The following PDE10A variants were observed in gnomAD, a reference collection of about 807,000 sequenced individuals.
PDE10A encodes cAMP and cAMP-inhibited cGMP 3',5'-cyclic phosphodiesterase 10A.
In PDE10A, 39 loss-of-function variants were observed where a neutral mutation model predicts 97.7. The ratio of observed to expected loss-of-function variants is 0.40; its 90% CI spans 0.31 to 0.52. The LOEUF (loss-of-function observed/expected upper bound fraction) is 0.52, where lower values mean the gene tolerates loss of function less well. PDE10A is among the 20% of genes least tolerant of loss of function. PDE10A has a pLI of 0.56. For missense variants in PDE10A, 731 were observed against 1,047.8 expected, an observed-to-expected ratio of 0.70 and a Z score of 4.17; for synonymous variants, 371 against 376.8, an observed-to-expected ratio of 0.98 and a Z score of 0.18.
intron 1 of PDE10A, among the ~76,000 whole-genome samples, chr6:165,578,945 G>A (rs1785465763): frequency 6.6e-6 from 1 of 152,176 alleles, no homozygotes; most frequent in East Asian, 1.9e-4. Context: ...GAGATACTAA[G>A]GTCAGAGAAG....
intron 1 of PDE10A, among the ~76,000 whole-genome samples, chr6:165,798,953 C>G (rs1778904508): frequency 1.3e-5 from 2 of 152,206 alleles, no homozygotes. Flanking sequence ...AGTGATCCGC[C>G]TGCTTTGGCC....
At chr6:165,517,228 T>C (rs1461140128) in intron 2 of PDE10A, among the ~76,000 whole-genome samples, 1 of 152,150 alleles carries the variant, frequency 6.6e-6, no homozygotes, top group Non-Finnish European at 1.5e-5. Context: ...GTCTATGAAA[T>C]TGAAACTAGT....
At chr6:165,654,496 C>T (rs1789839079) in intron 1 of PDE10A, among the ~76,000 whole-genome samples, 1 of 145,610 alleles carries the variant, frequency 6.9e-6, no homozygotes, top group East Asian at 1.9e-4. Context: ...CTGGTTCCTT[C>T]CAAGGTTCCC....
chr6:165,404,868 A>AAACAAAACAG (rs1562429681), intron 13 of PDE10A, among the ~76,000 whole-genome samples: 1 of 152,022 alleles, frequency 6.6e-6, no homozygotes, highest in African/African-American at 2.4e-5. Context: ...AAACAAAACA[A>AAACAAAACAG]AACAAAAACC....
At chr6:165,716,639 A>C (rs1336670438) in intron 1 of PDE10A, among the ~76,000 whole-genome samples, 1 of 152,178 alleles carries the variant, frequency 6.6e-6, no homozygotes, top group East Asian at 1.9e-4. Flanking sequence ...CCTGGAGAAG[A>C]ATGGAAGAAC....
chr6:165,828,119 C>G (rs6903746), intron 1 of PDE10A, among the ~76,000 whole-genome samples: 2 of 151,976 alleles, frequency 1.3e-5, no homozygotes, highest in Admixed American at 6.6e-5. Flanking sequence ...AGTACCAAGA[C>G]GTGGAACCCT....
intron 1 of PDE10A, among the ~76,000 whole-genome samples, chr6:165,920,052 T>C (rs1013801227): frequency 6.6e-6 from 1 of 152,240 alleles, no homozygotes; most frequent in African/African-American, 2.4e-5. Context: ...GTTTCTTTGC[T>C]GCCTGTTTTA....
intron 10 of PDE10A, among the ~76,000 whole-genome samples, chr6:165,428,374 A>C (rs1476744901): frequency 6.6e-6 from 1 of 152,152 alleles, no homozygotes; most frequent in Non-Finnish European, 1.5e-5. Flanking sequence ...CACATGTCCC[A>C]TATGTAAGAG....
At chr6:165,731,698 G>C (rs919460375) in intron 1 of PDE10A, among the ~76,000 whole-genome samples, 1 of 152,180 alleles carries the variant, frequency 6.6e-6, no homozygotes, top group Non-Finnish European at 1.5e-5. Flanking sequence ...TTGCCATGAG[G>C]CCTATGAGTT....
intron 1 of PDE10A, among the ~76,000 whole-genome samples, chr6:165,559,182 T>C (rs988406184): frequency 1.3e-5 from 2 of 152,144 alleles, no homozygotes; most frequent in African/African-American, 4.8e-5. Context: ...GAAGGATTCA[T>C]GGAAAAGAAA....
At chr6:165,536,596 C>G (rs146840586) in intron 2 of PDE10A, among the ~76,000 whole-genome samples, 149 of 147,644 alleles carry the variant, frequency 1.0e-3, no homozygotes, top group African/African-American at 3.6e-3. Context: ...TCAAACAGAT[C>G]AATAGTAAAA....
At chr6:165,553,466 C>A (rs1239980540) in intron 1 of PDE10A, among the ~76,000 whole-genome samples, 1 of 152,158 alleles carries the variant, frequency 6.6e-6, no homozygotes, top group East Asian at 1.9e-4. Context: ...TAATAACTAT[C>A]CTTGTCCCCA....
chr6:165,509,391 T>C (rs1290755700), intron 2 of PDE10A, among the ~76,000 whole-genome samples: 1 of 152,026 alleles, frequency 6.6e-6, no homozygotes, highest in Non-Finnish European at 1.5e-5. Flanking sequence ...CAGTTGGCTA[T>C]AAACATGTGA....
chr6:165,885,710 C>G (rs371552762), intron 1 of PDE10A, among the ~76,000 whole-genome samples: 1 of 152,338 alleles, frequency 6.6e-6, no homozygotes, highest in Admixed American at 6.5e-5. Flanking sequence ...AGATCCAGTG[C>G]GTCCTTCACT....
chr6:165,840,488 G>T (rs1780229945), intron 1 of PDE10A, among the ~76,000 whole-genome samples: 1 of 152,132 alleles, frequency 6.6e-6, no homozygotes, highest in Non-Finnish European at 1.5e-5. Context: ...ATAAGAAAAA[G>T]CAGATGTCCC....
At chr6:165,489,766 C>G (rs994051168) in intron 2 of PDE10A, among the ~76,000 whole-genome samples, 1 of 152,168 alleles carries the variant, frequency 6.6e-6, no homozygotes, top group African/African-American at 2.4e-5. Context: ...ATCACAACTT[C>G]CGGAAATGAA....
At chr6:165,600,124 A>C (rs1786853612) in intron 1 of PDE10A, among the ~76,000 whole-genome samples, 1 of 152,020 alleles carries the variant, frequency 6.6e-6, no homozygotes, top group Non-Finnish European at 1.5e-5. Context: ...TGTCAAATCA[A>C]CACTTCCCAC....
chr6:165,887,028 A>C (rs1781648091), intron 1 of PDE10A, among the ~76,000 whole-genome samples: 1 of 152,244 alleles, frequency 6.6e-6, no homozygotes, highest in Admixed American at 6.5e-5. Flanking sequence ...ACATGAAAAC[A>C]TGAGCAAGAT....
intron 1 of PDE10A, among the ~76,000 whole-genome samples, chr6:165,784,793 G>A (rs1351043766): frequency 6.6e-6 from 1 of 152,152 alleles, no homozygotes; most frequent in Non-Finnish European, 1.5e-5. Context: ...ATTCAAGCTG[G>A]GATGAAGACA....
Sources: gnomAD v4.1 joint callset for allele counts (sites outside exome capture counted in the v4.1 genomes callset) on GRCh38, gnomAD v4.1.1 for gene constraint, MANE v1.5 for transcripts, NCBI Gene and HGNC (gene_info 2026-07-23, HGNC 2026-07-21) for gene names.